SGCZ: variants seen among roughly 807,000 people sequenced by gnomAD.
SGCZ encodes the protein zeta-sarcoglycan.
Under a neutral mutation model 41.3 loss-of-function variants are expected in SGCZ, and 40 were observed. The observed-to-expected ratio is 0.97, with a 90% CI of 0.75 to 1.26. SGCZ has a LOEUF of 1.26. Ranked by LOEUF, SGCZ falls within the 50% of genes most tolerant of loss-of-function variation. SGCZ has a pLI of 0.00. For missense variants in SGCZ, 552 were observed against 369.8 expected, an observed-to-expected ratio of 1.49 and a Z score of -4.04; for synonymous variants, 206 against 137.5, an observed-to-expected ratio of 1.50 and a Z score of -3.49.
chr8:15,138,752 C>A (rs1238471408), intron 1 of SGCZ, among the ~76,000 whole-genome samples: 1 of 152,034 alleles, frequency 6.6e-6, no homozygotes, highest in Non-Finnish European at 1.5e-5. Flanking sequence ...TATAAATTAC[C>A]CAGTCTCAGG....
At chr8:14,820,724 T>A (rs1023082152) in intron 1 of SGCZ, among the ~76,000 whole-genome samples, 1 of 151,948 alleles carries the variant, frequency 6.6e-6, no homozygotes, top group African/African-American at 2.4e-5. Context: ...ATTAAACAAC[T>A]TGTTCCTTTG....
intron 1 of SGCZ, among the ~76,000 whole-genome samples, chr8:14,743,634 A>G (rs1347193371): frequency 6.6e-6 from 1 of 152,092 alleles, no homozygotes; most frequent in East Asian, 1.9e-4. Flanking sequence ...AAAATTGAAA[A>G]TATTTTAGAA....
At chr8:14,481,123 C>CAATTAATTATTAAATA (rs1563357417) in intron 2 of SGCZ, among the ~76,000 whole-genome samples, 6 of 152,064 alleles carry the variant, frequency 3.9e-5, no homozygotes, top group Non-Finnish European at 5.9e-5. Context: ...ATACAAATAA[C>CAATTAATTATTAAATA]CCAATTAAAT....
chr8:14,863,079 G>T (rs1003345619), intron 1 of SGCZ, among the ~76,000 whole-genome samples: 1 of 152,088 alleles, frequency 6.6e-6, no homozygotes, highest in Non-Finnish European at 1.5e-5. Flanking sequence ...GCTCGGTTAT[G>T]TATCTCACAT....
chr8:14,104,615 C>T (rs115216241), intron 6 of SGCZ, among the ~76,000 whole-genome samples: 2,557 of 152,198 alleles, frequency 0.017, 76 homozygotes, highest in African/African-American at 0.058. Flanking sequence ...CCTACTTTAT[C>T]ATTATGTTCT....
At chr8:15,001,996 G>C (rs1802442656) in intron 1 of SGCZ, among the ~76,000 whole-genome samples, 1 of 152,124 alleles carries the variant, frequency 6.6e-6, no homozygotes. Context: ...CTGCGTGCTT[G>C]AGGAGGAAAT....
chr8:14,306,225 C>T (rs1801349748), intron 3 of SGCZ, among the ~76,000 whole-genome samples: 1 of 152,078 alleles, frequency 6.6e-6, no homozygotes, highest in South Asian at 2.1e-4. Flanking sequence ...ACAAATCTCA[C>T]CATGATTAAA....
intron 2 of SGCZ, among the ~76,000 whole-genome samples, chr8:14,334,946 G>A (rs1802459816): frequency 6.6e-6 from 1 of 152,126 alleles, no homozygotes; most frequent in African/African-American, 2.4e-5. Flanking sequence ...AAGAACAGGT[G>A]TAGGTAAGAT....
intron 1 of SGCZ, among the ~76,000 whole-genome samples, chr8:15,233,914 T>C (rs1279942349): frequency 6.6e-6 from 1 of 152,184 alleles, no homozygotes; most frequent in Non-Finnish European, 1.5e-5. Context: ...ACTCATGATG[T>C]ATTTTATATT....
At chr8:14,625,978 A>T (rs1806441171) in intron 1 of SGCZ, among the ~76,000 whole-genome samples, 2 of 152,186 alleles carry the variant, frequency 1.3e-5, no homozygotes, top group Non-Finnish European at 2.9e-5. Flanking sequence ...ATCCAAGGCC[A>T]AACTCCATTT....
intron 1 of SGCZ, among the ~76,000 whole-genome samples, chr8:14,840,132 A>G (rs1802848559): frequency 6.6e-6 from 1 of 152,126 alleles, no homozygotes; most frequent in Admixed American, 6.6e-5. Flanking sequence ...TCAATAAAAT[A>G]TTGTTAATAT....
At chr8:14,462,033 C>T (rs993416846) in intron 2 of SGCZ, among the ~76,000 whole-genome samples, 9 of 151,978 alleles carry the variant, frequency 5.9e-5, no homozygotes, top group Non-Finnish European at 1.3e-4. Context: ...TTAATATATA[C>T]AACAGATTTA....
intron 5 of SGCZ, among the ~76,000 whole-genome samples, chr8:14,154,184 CACGCTGAAACCCTGTCTG>C: frequency 6.6e-6 from 1 of 151,986 alleles, no homozygotes; most frequent in African/African-American, 2.4e-5. Context: ...TCCTGGCTAA[CACGCTGAAACCCTGTCTG>C]CACTAAAAAT....
intron 5 of SGCZ, among the ~76,000 whole-genome samples, chr8:14,153,614 C>T (rs1308885771): frequency 6.6e-6 from 1 of 152,138 alleles, no homozygotes; most frequent in Non-Finnish European, 1.5e-5. Flanking sequence ...CAGCCACAGG[C>T]AGGTACTACA....
At chr8:14,876,489 T>C (rs937864291) in intron 1 of SGCZ, among the ~76,000 whole-genome samples, 1 of 151,930 alleles carries the variant, frequency 6.6e-6, no homozygotes, top group African/African-American at 2.4e-5. Context: ...AGGAAGAAAA[T>C]AGAAGTTTAG....
chr8:14,514,405 G>A (rs962940512), intron 2 of SGCZ, among the ~76,000 whole-genome samples: 6 of 151,852 alleles, frequency 4.0e-5, no homozygotes, highest in Non-Finnish European at 1.5e-5. Flanking sequence ...CTGTAGGATA[G>A]GAAAAACGAC....
chr8:14,201,003 A>G (rs1387014567), intron 4 of SGCZ, among the ~76,000 whole-genome samples: 1 of 152,170 alleles, frequency 6.6e-6, no homozygotes, highest in Non-Finnish European at 1.5e-5. Flanking sequence ...GCATTAAAAG[A>G]AGGTATGCAG....
intron 5 of SGCZ, among the ~76,000 whole-genome samples, chr8:14,147,793 A>G (rs1803573065): frequency 6.6e-6 from 1 of 152,188 alleles, no homozygotes; most frequent in Non-Finnish European, 1.5e-5. Context: ...TATCAGGGAT[A>G]GACTATATGT....
intron 1 of SGCZ, among the ~76,000 whole-genome samples, chr8:15,003,369 G>A (rs371465011): frequency 5.9e-5 from 9 of 152,088 alleles, no homozygotes; most frequent in African/African-American, 1.9e-4. Context: ...TTTATTAGCA[G>A]CATTAGAATG....
Sources: allele counts gnomAD v4.1 joint callset (sites outside exome capture counted in the v4.1 genomes callset), GRCh38; gene constraint gnomAD v4.1.1; transcripts MANE v1.5; gene names NCBI Gene and HGNC (gene_info 2026-07-23, HGNC 2026-07-21).